The following KCNH8 variants were observed in gnomAD, a reference collection of about 807,000 sequenced individuals.
KCNH8 encodes the protein potassium voltage-gated channel subfamily H member 8.
KCNH8 carries 70 observed loss-of-function variants against 103.6 expected under a neutral mutation model. The observed-to-expected ratio is 0.68, with a 90% CI of 0.56 to 0.82. The LOEUF is 0.82. KCNH8 is among the 40% of genes least tolerant of loss of function. KCNH8 has a pLI of 0.00. For missense variants in KCNH8, 1,217 were observed against 1,329.9 expected (o/e 0.92, Z 1.32); for synonymous variants, 498 against 489.4 (o/e 1.02, Z -0.23).
At chr3:19,326,384 A>ATATATATATATATATATATATATAT in intron 3 of KCNH8, among the ~76,000 whole-genome samples, 1 of 129,898 alleles carries the variant, frequency 7.7e-6, no homozygotes, top group Admixed American at 7.4e-5. Context: ...TATATATATA[A>ATATATATATATATATATATATATAT]TAAATGATTA....
At chr3:19,450,539 G>C (rs913646286) in intron 9 of KCNH8, 3 of 513,622 alleles carry the variant, frequency 5.8e-6, no homozygotes, top group East Asian at 6.9e-5. Flanking sequence ...TATTCGATCA[G>C]GTGGATTTAT....
intron 1 of KCNH8, among the ~76,000 whole-genome samples, chr3:19,197,589 C>T (rs1293278854): frequency 6.6e-6 from 1 of 151,642 alleles, no homozygotes; most frequent in Non-Finnish European, 1.5e-5. Flanking sequence ...TGGAGCTGGA[C>T]TTCCTGGCTT....
intron 11 of KCNH8, among the ~76,000 whole-genome samples, chr3:19,506,259 G>A (rs1191013227): frequency 2.0e-5 from 3 of 152,144 alleles, no homozygotes; most frequent in African/African-American, 7.2e-5. Flanking sequence ...GAGTTCTTAC[G>A]CTGGTTCTTT....
chr3:19,371,265 G>T (rs1402135051), intron 5 of KCNH8, among the ~76,000 whole-genome samples: 2 of 149,750 alleles, frequency 1.3e-5, no homozygotes, highest in African/African-American at 4.9e-5. Context: ...ATCCTCTCCA[G>T]CACCTGTTGT....
At chr3:19,219,258 C>G (rs890037414) in intron 1 of KCNH8, among the ~76,000 whole-genome samples, 2 of 152,086 alleles carry the variant, frequency 1.3e-5, no homozygotes, top group African/African-American at 4.8e-5. Context: ...AATGCCTACC[C>G]AGATCACCCT....
intron 5 of KCNH8, among the ~76,000 whole-genome samples, chr3:19,380,144 T>C (rs1232200459): frequency 1.3e-5 from 2 of 152,362 alleles, no homozygotes; most frequent in East Asian, 3.9e-4. Context: ...AAACTCTAGA[T>C]ACTATAATTT....
intron 3 of KCNH8, among the ~76,000 whole-genome samples, chr3:19,340,937 T>G (rs1316123131): frequency 2.6e-5 from 4 of 152,084 alleles, no homozygotes; most frequent in Admixed American, 2.6e-4. Context: ...TATTAAAATG[T>G]TTTAGAGCAG....
chr3:19,235,603 G>A (rs2064054720), intron 1 of KCNH8, among the ~76,000 whole-genome samples: 3 of 152,198 alleles, frequency 2.0e-5, no homozygotes, highest in Admixed American at 6.5e-5. Flanking sequence ...CAATTTTTAT[G>A]TCTGAATACT....
At chr3:19,507,443 G>T (rs1449435754) in intron 11 of KCNH8, among the ~76,000 whole-genome samples, 1 of 152,146 alleles carries the variant, frequency 6.6e-6, no homozygotes, top group Non-Finnish European at 1.5e-5. Flanking sequence ...AAGAGGGTCT[G>T]GATTCCTCTC....
intron 8 of KCNH8, among the ~76,000 whole-genome samples, chr3:19,441,765 G>T (rs946846326): frequency 5.3e-5 from 8 of 152,196 alleles, no homozygotes; most frequent in African/African-American, 1.2e-4. Context: ...CTTAATTCAA[G>T]ATATCACTTT....
At chr3:19,296,239 C>T (rs148582644) in intron 3 of KCNH8, among the ~76,000 whole-genome samples, 219 of 152,282 alleles carry the variant, frequency 1.4e-3, no homozygotes, top group African/African-American at 4.9e-3. Context: ...TTCAAAAATA[C>T]ATCTTTGAGT....
chr3:19,308,965 A>G (rs751621093), intron 3 of KCNH8, among the ~76,000 whole-genome samples: 4 of 151,590 alleles, frequency 2.6e-5, no homozygotes, highest in Non-Finnish European at 5.9e-5. Flanking sequence ...AACACACACC[A>G]ATTAGTAAGG....
chr3:19,293,877 C>T (rs147189020), intron 3 of KCNH8, among the ~76,000 whole-genome samples: 6 of 152,152 alleles, frequency 3.9e-5, no homozygotes, highest in Non-Finnish European at 8.8e-5. Flanking sequence ...TATATGAATG[C>T]ATAAATGATG....
chr3:19,153,635 C>CTTTTTTTTT (rs773828081), intron 1 of KCNH8, among the ~76,000 whole-genome samples: 1 of 128,916 alleles, frequency 7.8e-6, no homozygotes, highest in Admixed American at 7.8e-5. Flanking sequence ...TTTCTTTTTT[C>CTTTTTTTTT]TTTTTTTTTT....
intron 9 of KCNH8, chr3:19,450,767 AGCCAAACCTGT>A (rs2067435771): frequency 3.7e-6 from 1 of 271,864 alleles, no homozygotes; most frequent in African/African-American, 2.3e-5. Flanking sequence ...TCAACCCACC[AGCCAAACCTGT>A]AACCAACATT....
chr3:19,533,358 TCTAA>T (rs771391952), intron 15 of KCNH8, 33 bp from the exon 16 acceptor site: 1 of 1,374,136 alleles, frequency 7.3e-7, no homozygotes, highest in Non-Finnish European at 1.0e-6. Context: ...ACTATGCACC[TCTAA>T]CTATTGTCTT....
chr3:19,531,342 G>A (rs1158017032), intron 15 of KCNH8, among the ~76,000 whole-genome samples: 2 of 152,200 alleles, frequency 1.3e-5, no homozygotes, highest in African/African-American at 2.4e-5. Context: ...TGATTTAAGT[G>A]TGATTCATGT....
intron 15 of KCNH8, among the ~76,000 whole-genome samples, chr3:19,532,286 G>A (rs1190769897): frequency 6.6e-6 from 1 of 152,324 alleles, no homozygotes; most frequent in Admixed American, 6.5e-5. Context: ...ACAATTTGTT[G>A]TTTTATAATT....
intron 3 of KCNH8, among the ~76,000 whole-genome samples, chr3:19,330,123 C>T (rs891428740): frequency 6.6e-5 from 10 of 152,090 alleles, no homozygotes; most frequent in South Asian, 2.1e-4. Flanking sequence ...CACACCACCA[C>T]GCATAATGTG....
Sources: allele counts gnomAD v4.1 joint callset (sites outside exome capture counted in the v4.1 genomes callset), GRCh38; gene constraint gnomAD v4.1.1; transcripts MANE v1.5; gene names NCBI Gene and HGNC (gene_info 2026-07-23, HGNC 2026-07-21).